The following ABCC12 variants were observed in gnomAD, a reference collection of about 807,000 sequenced individuals.
ABCC12 encodes ATP-binding cassette sub-family C member 12.
Under a neutral mutation model 151.1 loss-of-function variants are expected in ABCC12, and 142 were observed. The observed-to-expected ratio is 0.94, with a 90% CI of 0.82 to 1.08. ABCC12 has a LOEUF of 1.08. Ranked by LOEUF, ABCC12 falls within the 50% of genes least tolerant of loss-of-function variation. ABCC12 has a pLI of 0.00. For synonymous variants in ABCC12, 645 were observed against 646.4 expected (o/e 1.00, Z 0.03); for missense variants, 1,638 against 1,691.1 (o/e 0.97, Z 0.55).
intron 21 of ABCC12, among the ~76,000 whole-genome samples, chr16:48,104,863 G>T (rs1963432661): frequency 6.6e-6 from 1 of 152,240 alleles, no homozygotes; most frequent in Admixed American, 6.5e-5. Context: ...TTTGGAGCAG[G>T]AGGTGCTTGC....
intron 13 of ABCC12, among the ~76,000 whole-genome samples, chr16:48,117,743 G>C (rs1963936640): frequency 6.6e-6 from 1 of 152,160 alleles, no homozygotes; most frequent in South Asian, 2.1e-4. Flanking sequence ...CAGGACCGTG[G>C]GTGGAAGAGA....
chr16:48,108,416 G>A, intron 19 of ABCC12, 24 bp downstream of exon 19: 1 of 1,594,892 alleles, frequency 6.3e-7, no homozygotes, highest in Non-Finnish European at 8.6e-7. Flanking sequence ...ATTAAATCAA[G>A]AAACTTGTTG....
At chr16:48,139,049 G>C in intron 7 of ABCC12, 114 bp downstream of exon 7, 1 of 1,221,078 alleles carries the variant, frequency 8.2e-7, no homozygotes, top group Non-Finnish European at 1.1e-6. Flanking sequence ...AAATCTGTGA[G>C]TACAAAATGG....
At position 48,140,828 on chromosome 16, in the gene ABCC12, G is replaced by A. The variant is rs115624914; in HGVS notation, c.516C>T (p.Thr172=). 51 of 1,613,962 alleles carry A rather than the reference G, an allele frequency of 3.2e-5. No homozygotes were observed. The highest frequency in any genetic ancestry group is 1.6e-4 in the Middle Eastern group (1 of 6,082). The change falls in exon 6 of 31, where the codon ACC becomes ACT. Residue 172 remains threonine (T), a synonymous_variant. Transcript: ENST00000311303. ...GIGLCIALFA[T]EFTKVFFWAL... ...CCCAAAAGAAGACTTTGGTAAACTC[G>A]GTGGCAAAAAGGGCTATGCACAGTC...
At chr16:48,093,002 A>G (rs895825058) in intron 24 of ABCC12, among the ~76,000 whole-genome samples, 3 of 152,180 alleles carry the variant, frequency 2.0e-5, no homozygotes, top group African/African-American at 7.2e-5. Flanking sequence ...ACAGTTCAGC[A>G]GTTTCCACTT....
chr16:48,124,929 A>G (rs1230200930), intron 11 of ABCC12, among the ~76,000 whole-genome samples: 1 of 152,234 alleles, frequency 6.6e-6, no homozygotes, highest in Non-Finnish European at 1.5e-5. Context: ...AAGCAAGACA[A>G]GCAAATGAAA....
At chr16:48,097,840 TCCTGG>T (rs1963157259) in intron 23 of ABCC12, among the ~76,000 whole-genome samples, 1 of 152,142 alleles carries the variant, frequency 6.6e-6, no homozygotes, top group Non-Finnish European at 1.5e-5. Context: ...CTGGCAGAAC[TCCTGG>T]GGTTCTGGCC....
chr16:48,110,172 T>C (rs1393050776), intron 18 of ABCC12, among the ~76,000 whole-genome samples: 1 of 152,210 alleles, frequency 6.6e-6, no homozygotes, highest in African/African-American at 2.4e-5. Context: ...TTTCCAAATG[T>C]GCGTGCATTT....
At chr16:48,096,118 A>T (rs978214688) in intron 24 of ABCC12, among the ~76,000 whole-genome samples, 18 of 152,230 alleles carry the variant, frequency 1.2e-4, no homozygotes, top group African/African-American at 4.3e-4. Context: ...AGCCAATCAC[A>T]ATCAATGCCG....
chr16:48,111,341 A>G (rs764807849), intron 18 of ABCC12, 95 bp downstream of exon 18: 33 of 1,441,530 alleles, frequency 2.3e-5, no homozygotes, highest in Non-Finnish European at 3.1e-5. Flanking sequence ...GCTGCCCAAA[A>G]TGACATGCAC....
At chr16:48,151,257 C>A (rs115613584) in intron 2 of ABCC12, among the ~76,000 whole-genome samples, 3 of 152,046 alleles carry the variant, frequency 2.0e-5, no homozygotes, top group East Asian at 3.8e-4. Flanking sequence ...CTCATAACGC[C>A]GGTCTAATCA....
chr16:48,098,209 T>C (rs1400452027), intron 23 of ABCC12, among the ~76,000 whole-genome samples: 2 of 151,062 alleles, frequency 1.3e-5, no homozygotes, highest in Non-Finnish European at 2.9e-5. Flanking sequence ...AGATTGAAAT[T>C]TTCACCGCAC....
intron 20 of ABCC12, among the ~76,000 whole-genome samples, chr16:48,105,837 C>G (rs1322058717): frequency 6.6e-6 from 1 of 152,200 alleles, no homozygotes; most frequent in Non-Finnish European, 1.5e-5. Context: ...GATGGGCCAG[C>G]TCCACAGTCC....
At chr16:48,146,143 G>A (rs1204180626) in intron 3 of ABCC12, among the ~76,000 whole-genome samples, 163 bp downstream of exon 3, 1 of 152,228 alleles carries the variant, frequency 6.6e-6, no homozygotes, top group Non-Finnish European at 1.5e-5. Context: ...GAGGAGGCAA[G>A]GAAGTGAGTG....
At chr16:48,131,018 G>A in intron 9 of ABCC12, 123 bp from the exon 10 acceptor site, 1 of 660,008 alleles carries the variant, frequency 1.5e-6, no homozygotes, top group Non-Finnish European at 2.6e-6. Flanking sequence ...AATGTGCAGA[G>A]GAACAATCTT....
At position 48,100,861 on chromosome 16, in the gene ABCC12, A is replaced by G. The variant is rs1457382797; in HGVS notation, c.3038+11T>C. On this transcript the variant is annotated intron_variant, in intron 23 of 30. Transcript: ENST00000311303. ...ATGGGGGCCTGGGGCAGGGCCCCACATGGGACTCACTAGGTGATGCAGCTC... is the reference window on the plus strand; with the variant it reads ...ATGGGGGCCTGGGGCAGGGCCCCACGTGGGACTCACTAGGTGATGCAGCTC... 1.9e-6 allele frequency: 3 copies of G among 1,613,468 alleles called. No individual in the cohort carries two copies. The highest frequency in any genetic ancestry group is 1.1e-5 in the South Asian group (1 of 90,966).
intron 4 of ABCC12, 77 bp downstream of exon 4, chr16:48,143,833 A>G (rs1371273651): frequency 6.6e-7 from 1 of 1,509,202 alleles, no homozygotes; most frequent in South Asian, 1.3e-5. Context: ...TTTTCTTTAT[A>G]AATTACCCAC....
chr16:48,096,675 C>G (rs1156995159), intron 24 of ABCC12, 71 bp downstream of exon 24: 1 of 1,535,118 alleles, frequency 6.5e-7, no homozygotes, highest in African/African-American at 1.4e-5. Context: ...TGTGTCCATC[C>G]AAAAGCACCC....
At chr16:48,134,381 G>C (rs1034800718) in intron 8 of ABCC12, among the ~76,000 whole-genome samples, 6 of 152,206 alleles carry the variant, frequency 3.9e-5, no homozygotes, top group African/African-American at 7.2e-5. Flanking sequence ...TGAGTAACTT[G>C]ATAAGCAAGA....
Sources: allele counts gnomAD v4.1 joint callset (sites outside exome capture counted in the v4.1 genomes callset), GRCh38; gene constraint gnomAD v4.1.1; transcripts MANE v1.5; gene names NCBI Gene and HGNC (gene_info 2026-07-23, HGNC 2026-07-21).